The following BOC variants were observed in gnomAD, a reference collection of about 807,000 sequenced individuals.
BOC encodes brother of CDO.
A neutral mutation model predicts 112.0 loss-of-function variants in BOC; 76 were observed. The ratio of observed to expected loss-of-function variants is 0.68; its 90% CI spans 0.56 to 0.82. The LOEUF is 0.82. BOC is among the 40% of genes least tolerant of loss of function. The probability of loss-of-function intolerance (pLI) is 0.00; values close to 1 mark genes in which losing one functional copy is unlikely to be tolerated. For synonymous variants in BOC, 580 were observed against 599.8 expected (o/e 0.97, Z 0.48); for missense variants, 1,309 against 1,511.7 (o/e 0.87, Z 2.22).
intron 2 of BOC, among the ~76,000 whole-genome samples, chr3:113,244,914 C>G (rs970313838): frequency 6.6e-5 from 10 of 152,056 alleles, no homozygotes; most frequent in Non-Finnish European, 1.0e-4. Context: ...AAACAATTTG[C>G]TAGGAGGTAG....
intron 1 of BOC, among the ~76,000 whole-genome samples, chr3:113,215,006 A>G (rs543627421): frequency 6.6e-6 from 1 of 152,350 alleles, no homozygotes; most frequent in South Asian, 2.1e-4. Context: ...TAGTTGTGAT[A>G]AGAGTATGAA....
intron 2 of BOC, 68 bp downstream of exon 2, chr3:113,216,342 T>C: frequency 2.2e-6 from 1 of 449,376 alleles, no homozygotes; most frequent in Admixed American, 2.4e-5. Flanking sequence ...TCATGTTTTG[T>C]GTTACCACTT....
At chr3:113,265,658 C>A (rs999698676) in intron 4 of BOC, among the ~76,000 whole-genome samples, 3 of 152,274 alleles carry the variant, frequency 2.0e-5, no homozygotes, top group African/African-American at 7.2e-5. Flanking sequence ...ATAGTCCAAA[C>A]CTTCCTCTTC....
At chr3:113,284,032 T>C (rs1949443362) in intron 16 of BOC, among the ~76,000 whole-genome samples, 1 of 152,032 alleles carries the variant, frequency 6.6e-6, no homozygotes, top group African/African-American at 2.4e-5. Flanking sequence ...TGGCAAAACA[T>C]CTGGTCAGCT....
chr3:113,249,629 G>A, intron 2 of BOC, 93 bp from the exon 3 acceptor site: 1 of 539,254 alleles, frequency 1.9e-6, no homozygotes, highest in East Asian at 3.3e-5. Flanking sequence ...TGCCAACAGG[G>A]AACAAGGGAC....
rs1182630781 is a variant in BOC, at chr3:113,284,790, C to G, written c.2898C>G (p.Asp966Glu). The change falls in exon 18 of 20, where the codon GAC becomes GAG. Residue 966 changes from aspartate to glutamate, a missense_variant. Coordinates refer to ENST00000682979, the MANE Select transcript of BOC (RefSeq NM_001378074.1). Reference sequence around the variant, plus strand: ...CTCTTCCTTTTGAGCAGCAGAGTGACACCAGCAGCCTGCTGAGGCAGACCC... The same window carrying G: ...CTCTTCCTTTTGAGCAGCAGAGTGAGACCAGCAGCCTGCTGAGGCAGACCC... The part of the protein sequence containing the change: ...HCPGELQQQS[D>E]TSSLLRQTHL... The G allele has an allele frequency of 1.5e-5, 25 of 1,614,180 alleles. No individual in the cohort carries two copies. Among genetic ancestry groups the G allele is most frequent in the Non-Finnish European group, 2.1e-5 (25 of 1,179,990 alleles).
intron 9 of BOC, among the ~76,000 whole-genome samples, chr3:113,277,866 T>G (rs977350183): frequency 1.3e-5 from 2 of 152,252 alleles, no homozygotes; most frequent in Non-Finnish European, 2.9e-5. Flanking sequence ...GTTTCTTTGA[T>G]GAGATCATTA....
chr3:113,277,934 AG>A (rs1948817087), intron 9 of BOC, among the ~76,000 whole-genome samples, 160 bp from the exon 10 acceptor site: 1 of 152,232 alleles, frequency 6.6e-6, no homozygotes, highest in South Asian at 2.1e-4. Context: ...TCCCATAGCC[AG>A]GGGGGCCAGT....
At position 113,216,891 on chromosome 3, in the gene BOC, A is replaced by G. The variant is rs925624035; in HGVS notation, c.-82+617A>G. Among the ~76,000 whole-genome samples the G allele has an allele frequency of 3.0e-4, 45 of 152,266 alleles. 1 individual carries two copies. The highest frequency in any genetic ancestry group is 3.4e-3 in the Middle Eastern group (1 of 294). On this transcript the variant is annotated intron_variant, in intron 2 of 19. Transcript: ENST00000682979. ...AAAGTCTCAACCCGTTCTGCTGGTT[A>G]GCAAAAGGAAAGTGCATAATATGGG... is the stretch of plus-strand genomic sequence containing the variant.
Position 113,272,798 on chromosome 3 carries a change from TC to T in BOC, c.961+96del, listed in dbSNP as rs897631413. 6.9e-5 allele frequency: 100 copies of T among 1,444,878 alleles called. No individual in the cohort carries two copies. In the African/African-American group the frequency reaches 1.3e-3, roughly 18 times the overall value. 89.5% of individuals were successfully genotyped at this position (1,444,878 alleles called of 1,614,324 possible). A position where few individuals can be genotyped will look rare whatever the true frequency, so the allele number is the denominator to read the frequency against. On this transcript the variant is annotated intron_variant, in intron 7 of 19. Coordinates refer to ENST00000682979, the MANE Select transcript of BOC (RefSeq NM_001378074.1). The stretch of plus-strand genomic sequence containing the variant: ...AACCCAGGCTCACAAAGGGTTAGCA[TC>T]TTGTGAAAGGCCACATGCTGAGTGA...
At position 113,280,585 on chromosome 3, in the gene BOC, C is replaced by G. The variant is rs748502858; in HGVS notation, c.2233C>G (p.Pro745Ala). Residue 745 changes from proline (P) to alanine (A), a missense_variant, in exon 14 of 20, where the codon CCA becomes GCA. By Grantham distance (27) the Pro-to-Ala change is conservative. Coordinates refer to ENST00000682979, the MANE Select transcript of BOC (RefSeq NM_001378074.1). ...MYIPASNNNT[P>A]IHGFYIYYRP... The stretch of plus-strand genomic sequence containing the variant: ...CATCCCAGCAAGTAACAACAACACC[C>G]CAATCCATGGCTTTTATATCTATTA... 2 of 1,611,798 alleles carry G rather than the reference C, an allele frequency of 1.2e-6. No individual in the cohort carries two copies. Among genetic ancestry groups the G allele is most frequent in the East Asian group, 2.2e-5 (1 of 44,864 alleles).
chr3:113,272,165 G>A (rs1419353577), intron 6 of BOC: 2 of 575,878 alleles, frequency 3.5e-6, no homozygotes, highest in Non-Finnish European at 6.2e-6. Flanking sequence ...TTATGTTGAT[G>A]CTGCTGTTCT....
intron 2 of BOC, among the ~76,000 whole-genome samples, chr3:113,217,585 A>G (rs1208916946): frequency 6.6e-6 from 1 of 151,970 alleles, no homozygotes; most frequent in Non-Finnish European, 1.5e-5. Context: ...CTTGAGAGAG[A>G]GAGGAGTTGC....
At chr3:113,235,293 C>A (rs979968365) in intron 2 of BOC, among the ~76,000 whole-genome samples, 2 of 152,080 alleles carry the variant, frequency 1.3e-5, no homozygotes. Flanking sequence ...GTGGGTATAA[C>A]CCTGGTCATA....
In BOC at chr3:113,278,611, CTG is replaced by C. The variant is rs1948884004; in HGVS notation, c.1706-59_1706-58del. On this transcript the variant is annotated intron_variant, in intron 10 of 19. Coordinates refer to ENST00000682979, the MANE Select transcript of BOC (RefSeq NM_001378074.1). This position sits in a 1 kb window ranked among gnomAD's most constrained non-coding sequence, Gnocchi z 4.2. The stretch of plus-strand genomic sequence containing the variant: ...AGCAGAGTCTCAGGCAAAAAGGACT[CTG>C]TGGGAGGGAGATCTCATGCCTGCTT... The C allele has an allele frequency of 2.9e-6, 4 of 1,401,590 alleles. No individual in the cohort carries two copies. The Admixed American group carries it at 5.9e-5, about 21-fold the overall frequency. 86.8% of individuals were successfully genotyped at this position (1,401,590 alleles called of 1,614,324 possible). A position where few individuals can be genotyped will look rare whatever the true frequency, so the allele number is the denominator to read the frequency against.
intron 2 of BOC, among the ~76,000 whole-genome samples, chr3:113,232,443 T>C (rs1327189821): frequency 1.3e-5 from 2 of 152,144 alleles, no homozygotes; most frequent in Non-Finnish European, 2.9e-5. Context: ...ATGTGTATAT[T>C]TGGGGGTCAG....
chr3:113,281,285 CTT>C, intron 15 of BOC, 132 bp downstream of exon 15: 1 of 1,128,160 alleles, frequency 8.9e-7, no homozygotes, highest in South Asian at 1.6e-5. Context: ...TACCCTCAGA[CTT>C]GGTCATGTTT....
chr3:113,264,712 T>C (rs972793576), intron 4 of BOC, among the ~76,000 whole-genome samples: 1 of 152,190 alleles, frequency 6.6e-6, no homozygotes, highest in Admixed American at 6.5e-5. Flanking sequence ...TTTCAGATCA[T>C]TCATCACTTC....
At chr3:113,283,240 C>T (rs1198129112) in intron 15 of BOC, among the ~76,000 whole-genome samples, 171 bp from the exon 16 acceptor site, 2 of 152,140 alleles carry the variant, frequency 1.3e-5, no homozygotes, top group African/African-American at 4.8e-5. Flanking sequence ...ACATTAGATT[C>T]CAATTTCATG....
Sources: allele counts gnomAD v4.1 joint callset (sites outside exome capture counted in the v4.1 genomes callset), GRCh38; gene constraint gnomAD v4.1.1; non-coding constraint Gnocchi (gnomAD v3.1); transcripts MANE v1.5; gene names NCBI Gene and HGNC (gene_info 2026-07-23, HGNC 2026-07-21).